Variants in SLC9A1 observed in about 807,000 individuals in gnomAD.
SLC9A1 encodes the protein solute carrier family 9 member A1, also known as sodium/hydrogen exchanger 1.
A neutral mutation model predicts 67.9 loss-of-function variants in SLC9A1; 22 were observed. The observed-to-expected ratio is 0.32, with a 90% CI of 0.23 to 0.46. The LOEUF (loss-of-function observed/expected upper bound fraction) is 0.46, where lower values mean the gene tolerates loss of function less well. SLC9A1 is among the 20% of genes least tolerant of loss of function. The pLI is 1.00. For missense variants in SLC9A1, 686 were observed against 1,094.8 expected (o/e 0.63, Z 5.27); for synonymous variants, 421 against 471.8 (o/e 0.89, Z 1.40).
intron 1 of SLC9A1, among the ~76,000 whole-genome samples, chr1:27,126,845 A>C (rs2083347870): frequency 6.6e-6 from 1 of 152,238 alleles, no homozygotes; most frequent in South Asian, 2.1e-4. Context: ...AGTGTTTGGC[A>C]CTAAGCACAT....
In SLC9A1 at chr1:27,109,839, G is replaced by A. The variant is rs2124147362; in HGVS notation, c.814-62C>T. The A allele has an allele frequency of 6.3e-7, 1 of 1,589,770 alleles. No homozygotes were observed. Among genetic ancestry groups the A allele is most frequent in the Non-Finnish European group, 8.6e-7 (1 of 1,163,800 alleles). On this transcript the variant is annotated intron_variant, in intron 2 of 11. Transcript: ENST00000263980. This position sits in a 1 kb window ranked among gnomAD's most constrained non-coding sequence, Gnocchi z 5.5. Reference sequence around the variant, plus strand: ...GGGCCCTGGCCCCACGGTTCCCTGGGGTCCACCCAGGGCAATCCTGTCCCC... The same window carrying A: ...GGGCCCTGGCCCCACGGTTCCCTGGAGTCCACCCAGGGCAATCCTGTCCCC...
intron 2 of SLC9A1, among the ~76,000 whole-genome samples, chr1:27,111,947 G>C (rs1448828607): frequency 6.6e-6 from 1 of 152,218 alleles, no homozygotes; most frequent in East Asian, 1.9e-4. Flanking sequence ...TCTGTTACCT[G>C]CTTGATGCAA....
At chr1:27,129,885 C>T (rs2083373421) in intron 1 of SLC9A1, among the ~76,000 whole-genome samples, 1 of 152,148 alleles carries the variant, frequency 6.6e-6, no homozygotes, top group Non-Finnish European at 1.5e-5. Context: ...TCACCCTCCT[C>T]ATTCTACAGC....
intron 2 of SLC9A1, among the ~76,000 whole-genome samples, chr1:27,111,808 T>C (rs1218276328): frequency 6.6e-6 from 1 of 152,022 alleles, no homozygotes; most frequent in Non-Finnish European, 1.5e-5. Context: ...GGAGACTCTG[T>C]CTCTAAATAA....
Position 27,107,869 on chromosome 1 carries a change from G to C in SLC9A1, c.1065-4C>G, listed in dbSNP as rs762011243. ...CACCACTCCTGAGGCTATGAGCCTG[G>C]AGCAGGAAAGAGCGGGGTCAGGGCT... On this transcript the variant is annotated splice_polypyrimidine_tract_variant and splice_region_variant and intron_variant, in intron 3 of 11. Coordinates refer to ENST00000263980, the MANE Select transcript of SLC9A1 (RefSeq NM_003047.5). 1.3e-6 allele frequency: 2 copies of C among 1,584,122 alleles called. No homozygotes were observed. Among genetic ancestry groups the C allele is most frequent in the Admixed American group, 3.6e-5 (2 of 55,622 alleles).
chr1:27,131,037 T>C (rs2083380849), intron 1 of SLC9A1, among the ~76,000 whole-genome samples: 1 of 152,212 alleles, frequency 6.6e-6, no homozygotes, highest in Non-Finnish European at 1.5e-5. Context: ...GCCTGGCCTG[T>C]GCTGGCTGCT....
chr1:27,123,110 T>A (rs148338595), intron 1 of SLC9A1, among the ~76,000 whole-genome samples: 2,826 of 152,304 alleles, frequency 0.019, 47 homozygotes, highest in Middle Eastern at 0.044. Flanking sequence ...GACCATATGA[T>A]ACACACTGGT....
At chr1:27,144,243 T>A (rs2083468345) in intron 1 of SLC9A1, among the ~76,000 whole-genome samples, 1 of 152,216 alleles carries the variant, frequency 6.6e-6, no homozygotes, top group African/African-American at 2.4e-5. Flanking sequence ...AGTTTACGGC[T>A]TGAGGAATCT....
intron 3 of SLC9A1, 27 bp from the exon 4 acceptor site, chr1:27,107,892 G>C (rs756898242): frequency 2.0e-6 from 3 of 1,525,220 alleles, no homozygotes; most frequent in African/African-American, 2.7e-5. Context: ...CGGGGTCAGG[G>C]CTCCGTGTCG....
At chr1:27,105,489 G>C in intron 5 of SLC9A1, 1 of 554,318 alleles carries the variant, frequency 1.8e-6, no homozygotes, top group Middle Eastern at 4.9e-4. Flanking sequence ...GTAGAGACGG[G>C]GTTTCACCAT....
chr1:27,152,019 C>T (rs757428049), intron 1 of SLC9A1, among the ~76,000 whole-genome samples: 1 of 152,130 alleles, frequency 6.6e-6, no homozygotes, highest in Non-Finnish European at 1.5e-5. Context: ...CTGGAAGGGA[C>T]CACAAAGATC....
rs1570842295 is a variant in SLC9A1, at chr1:27,101,944, G to C, written c.1935+72C>G. On this transcript the variant is annotated intron_variant, in intron 9 of 11. Transcript: ENST00000263980. The surrounding 1 kb of genome is among the most constrained non-coding windows in gnomAD (Gnocchi z 4.9). ...GGTGGGTGCCGAGGGGCACGGGCAGGGCAGGGCTGCCGTAGAGAGGGGCTG... is the reference window on the plus strand; with the variant it reads ...GGTGGGTGCCGAGGGGCACGGGCAGCGCAGGGCTGCCGTAGAGAGGGGCTG... 6.9e-7 allele frequency: 1 copy of C among 1,440,616 alleles called. No individual in the cohort carries two copies. Among genetic ancestry groups the C allele is most frequent in the East Asian group, 2.3e-5 (1 of 44,072 alleles). The allele number at this position is 1,440,616 out of a possible 1,614,324, so 89.2% of individuals were successfully genotyped here.
At chr1:27,125,597 G>C (rs1428161943) in intron 1 of SLC9A1, among the ~76,000 whole-genome samples, 2 of 148,068 alleles carry the variant, frequency 1.4e-5, no homozygotes, top group Non-Finnish European at 3.0e-5. Context: ...CAAGAGTGAA[G>C]CTTTTTTTTT....
chr1:27,122,570 G>A (rs546811432), intron 1 of SLC9A1, among the ~76,000 whole-genome samples: 2 of 152,268 alleles, frequency 1.3e-5, no homozygotes, highest in East Asian at 3.9e-4. Flanking sequence ...AGGCCTCAGA[G>A]GGTCCCCTGA....
Position 27,114,348 on chromosome 1 carries a change from T to TG in SLC9A1, c.353-63dup. ...CGGAGGAGCCAGGAGAATAGAAGGT[T>TG]GGGGATGGGCCGGGGATGAGGAGCG... is the stretch of plus-strand genomic sequence containing the variant. On this transcript the variant is annotated intron_variant, in intron 1 of 11. Transcript: ENST00000263980. This position sits in a 1 kb window ranked among gnomAD's most constrained non-coding sequence, Gnocchi z 5.4. 7.1e-7 allele frequency: 1 copy of TG among 1,417,016 alleles called. No individual in the cohort carries two copies. Among genetic ancestry groups the TG allele is most frequent in the Non-Finnish European group, 9.7e-7 (1 of 1,025,998 alleles). 87.8% of individuals were successfully genotyped at this position (1,417,016 alleles called of 1,614,324 possible). A position where few individuals can be genotyped will look rare whatever the true frequency, so the allele number is the denominator to read the frequency against.
intron 5 of SLC9A1, chr1:27,105,669 G>T (rs1255068505): frequency 2.8e-6 from 2 of 709,844 alleles, no homozygotes; most frequent in South Asian, 1.5e-5. Flanking sequence ...TTTACATTCT[G>T]ATCAGTCACT....
In SLC9A1 at chr1:27,100,222, C is replaced by T. The variant is rs997892977; in HGVS notation, c.*85G>A. ...GGGGAGGGGCAGGGCCAATCCGGGT[C>T]AGGAAGGGCAAGGGGAGCCCCCAGC... On this transcript the variant is annotated 3_prime_UTR_variant, in exon 12 of 12. Transcript: ENST00000263980. This position sits in a 1 kb window ranked among gnomAD's most constrained non-coding sequence, Gnocchi z 5.6. 4 of 1,056,936 alleles carry T rather than the reference C, an allele frequency of 3.8e-6. No individual in the cohort carries two copies. Among genetic ancestry groups the T allele is most frequent in the African/African-American group, 3.2e-5 (2 of 61,966 alleles). 65.5% of individuals were successfully genotyped at this position (1,056,936 alleles called of 1,614,324 possible). A position where few individuals can be genotyped will look rare whatever the true frequency, so the allele number is the denominator to read the frequency against.
chr1:27,107,589 C>T (rs2083197097), intron 4 of SLC9A1, 59 bp downstream of exon 4: 1 of 1,303,162 alleles, frequency 7.7e-7, no homozygotes, highest in Admixed American at 2.0e-5. Context: ...CCACAGCCCA[C>T]CACCCCCCAC....
At chr1:27,102,267 C>A (rs2083151954) in intron 8 of SLC9A1, 118 bp downstream of exon 8, 15 of 1,363,358 alleles carry the variant, frequency 1.1e-5, no homozygotes, top group Non-Finnish European at 1.5e-5. Flanking sequence ...GAGCCCACAG[C>A]TCTCTTGTCC....
Sources: gnomAD v4.1 joint callset for allele counts (sites outside exome capture counted in the v4.1 genomes callset) on GRCh38, gnomAD v4.1.1 for gene constraint, Gnocchi (gnomAD v3.1) non-coding constraint, MANE v1.5 for transcripts, NCBI Gene and HGNC (gene_info 2026-07-23, HGNC 2026-07-21) for gene names.